ADAMTSL3: variants seen among roughly 807,000 people sequenced by gnomAD.
ADAMTSL3 encodes the protein ADAMTS like 3.
ADAMTSL3 carries 128 observed loss-of-function variants against 201.7 expected under a neutral mutation model. The observed-to-expected ratio is 0.63, with a 90% CI of 0.55 to 0.73. The LOEUF (loss-of-function observed/expected upper bound fraction) is 0.73. Among genes scored for constraint, ADAMTSL3 ranks in the 30% least tolerant of loss-of-function variants. The probability of loss-of-function intolerance (pLI) is 0.00; values close to 1 mark genes in which losing one functional copy is unlikely to be tolerated. For synonymous variants in ADAMTSL3, 738 were observed against 748.4 expected (o/e 0.99, Z 0.23); for missense variants, 1,990 against 2,119.6 (o/e 0.94, Z 1.20).
intron 3 of ADAMTSL3, among the ~76,000 whole-genome samples, chr15:83,744,670 G>A (rs1331821083): frequency 6.6e-6 from 1 of 152,092 alleles, no homozygotes; most frequent in Non-Finnish European, 1.5e-5. Context: ...AGTCACCTGT[G>A]TTGTACCGTA....
At chr15:84,007,578 C>T (rs900746100) in intron 23 of ADAMTSL3, among the ~76,000 whole-genome samples, 2 of 145,278 alleles carry the variant, frequency 1.4e-5, no homozygotes, top group African/African-American at 4.9e-5. Flanking sequence ...AAATCCATCT[C>T]TCTCTGGCTC....
At chr15:83,972,182 C>T (rs1248795366) in intron 20 of ADAMTSL3, among the ~76,000 whole-genome samples, 1 of 152,122 alleles carries the variant, frequency 6.6e-6, no homozygotes, top group Non-Finnish European at 1.5e-5. Context: ...TCCCTGGCTG[C>T]CAGCTGAACT....
chr15:83,941,830 A>G (rs1222382897), intron 17 of ADAMTSL3, among the ~76,000 whole-genome samples: 1 of 152,222 alleles, frequency 6.6e-6, no homozygotes, highest in African/African-American at 2.4e-5. Context: ...CTCTACAGTA[A>G]CTAGTGAAGA....
At chr15:83,901,734 G>A (rs1383858625) in intron 15 of ADAMTSL3, among the ~76,000 whole-genome samples, 1 of 148,886 alleles carries the variant, frequency 6.7e-6, no homozygotes, top group Non-Finnish European at 1.5e-5. Flanking sequence ...AACTGTATAA[G>A]GAAGGCATTA....
At position 83,949,742 on chromosome 15, in the gene ADAMTSL3, C is replaced by T. The variant is rs772032917; in HGVS notation, c.2490+6660C>T. ...ATGGTATCTCATTGTAGTTCTGATT[C>T]GCATTTCTCTGGTGATCATTGATGT... On this transcript the variant is annotated intron_variant, in intron 19 of 29. Coordinates refer to ENST00000286744, the MANE Select transcript of ADAMTSL3 (RefSeq NM_207517.3). Among the ~76,000 whole-genome samples the T allele has an allele frequency of 4.1e-4, 63 of 152,150 alleles. 1 individual carries two copies. The highest frequency in any genetic ancestry group is 8.4e-4 in the African/African-American group (35 of 41,550).
At chr15:83,661,872 G>A (rs1331073872) in intron 2 of ADAMTSL3, among the ~76,000 whole-genome samples, 3 of 147,708 alleles carry the variant, frequency 2.0e-5, no homozygotes, top group Admixed American at 6.9e-5. Flanking sequence ...ACCACTATGA[G>A]ATACCACCTC....
chr15:83,655,669 C>T, intron 1 of ADAMTSL3, 60 bp from the exon 2 acceptor site: 1 of 1,287,980 alleles, frequency 7.8e-7, no homozygotes, highest in Non-Finnish European at 1.1e-6. Context: ...TCGCTTAAGT[C>T]ACGGTTTACT....
At position 83,912,990 on chromosome 15, in the gene ADAMTSL3, G is replaced by C. The variant is rs901350663; in HGVS notation, c.1701-102G>C. ...AATGTGTGGAATTCCACCGAGTGAA[G>C]CTGGTTATTTTTGCCTTCGTTGAAT... On this transcript the variant is annotated intron_variant, in intron 15 of 29. Transcript: ENST00000286744. 8.8e-6 allele frequency: 11 copies of C among 1,249,052 alleles called. No homozygotes were observed. The Middle Eastern group carries it at 1.1e-3, about 130-fold the overall frequency. The allele number at this position is 1,249,052 out of a possible 1,614,324, so 77.4% of individuals were successfully genotyped here.
intron 2 of ADAMTSL3, among the ~76,000 whole-genome samples, chr15:83,660,666 C>T (rs926306882): frequency 1.3e-5 from 2 of 152,216 alleles, no homozygotes; most frequent in Non-Finnish European, 2.9e-5. Flanking sequence ...CTAATGGAAT[C>T]TTAGGAAGAT....
intron 2 of ADAMTSL3, among the ~76,000 whole-genome samples, chr15:83,695,253 T>TGGTGTGTATGGATG (rs2061671398): frequency 1.9e-5 from 1 of 53,846 alleles, no homozygotes; most frequent in African/African-American, 7.1e-5. Context: ...TGTGTGTGTG[T>TGGTGTGTATGGATG]GTGTGTGTGG....
chr15:83,805,416 G>A (rs1316258582), intron 5 of ADAMTSL3, among the ~76,000 whole-genome samples: 1 of 151,982 alleles, frequency 6.6e-6, no homozygotes, highest in Non-Finnish European at 1.5e-5. Context: ...ACTTAGCTGG[G>A]CTTGGTGATG....
At chr15:84,024,847 A>G (rs946652878) in intron 26 of ADAMTSL3, among the ~76,000 whole-genome samples, 2 of 152,230 alleles carry the variant, frequency 1.3e-5, no homozygotes, top group Non-Finnish European at 2.9e-5. Context: ...ACATGTAAGT[A>G]TCTTGCAGGG....
At chr15:83,864,643 C>G (rs958686814) in intron 8 of ADAMTSL3, among the ~76,000 whole-genome samples, 4 of 152,092 alleles carry the variant, frequency 2.6e-5, no homozygotes, top group African/African-American at 4.8e-5. Context: ...TATGACAAAC[C>G]CACAGCCAAT....
At chr15:83,798,765 C>G (rs1378375649) in intron 4 of ADAMTSL3, among the ~76,000 whole-genome samples, 1 of 146,176 alleles carries the variant, frequency 6.8e-6, no homozygotes, top group African/African-American at 2.5e-5. Context: ...TGAGATCGCG[C>G]CATTGCACTC....
chr15:83,757,497 T>TG (rs1185676090), intron 3 of ADAMTSL3, among the ~76,000 whole-genome samples: 1 of 152,200 alleles, frequency 6.6e-6, no homozygotes, highest in East Asian at 1.9e-4. Flanking sequence ...AGGGGGGCCC[T>TG]GGGCCCTGGC....
At chr15:83,746,805 AG>A (rs1228408899) in intron 3 of ADAMTSL3, among the ~76,000 whole-genome samples, 8 of 152,164 alleles carry the variant, frequency 5.3e-5, no homozygotes, top group Admixed American at 1.3e-4. Flanking sequence ...TTGAGGCTGC[AG>A]TGAGCCATGA....
intron 2 of ADAMTSL3, among the ~76,000 whole-genome samples, chr15:83,668,506 A>G (rs2585038): frequency 0.85 from 128,597 of 151,794 alleles, 54,879 homozygotes; most frequent in East Asian, 0.96. Context: ...TTCTGTGTGT[A>G]TGTGTGTTTG....
intron 3 of ADAMTSL3, among the ~76,000 whole-genome samples, chr15:83,724,223 C>A (rs937264355): frequency 3.3e-5 from 5 of 151,852 alleles, no homozygotes. Flanking sequence ...CTCAGCCTCC[C>A]GAGTAGCTGG....
intron 7 of ADAMTSL3, among the ~76,000 whole-genome samples, chr15:83,838,860 G>A (rs902421037): frequency 5.9e-5 from 9 of 152,114 alleles, no homozygotes; most frequent in Non-Finnish European, 1.2e-4. Flanking sequence ...TCTGTAAAGG[G>A]ATGGATAATA....
Sources: gnomAD v4.1 joint callset for allele counts (sites outside exome capture counted in the v4.1 genomes callset) on GRCh38, gnomAD v4.1.1 for gene constraint, MANE v1.5 for transcripts, NCBI Gene and HGNC (gene_info 2026-07-23, HGNC 2026-07-21) for gene names.